Variants in MASP1 observed in about 807,000 individuals in gnomAD.
MASP1 encodes MBL associated serine protease 1, also known as mannan-binding lectin serine protease 1.
MASP1 carries 59 observed loss-of-function variants against 77.1 expected under a neutral mutation model. That is an observed-to-expected ratio of 0.77 (90% CI 0.62 to 0.95). The LOEUF (loss-of-function observed/expected upper bound fraction) is 0.95. MASP1 is among the 40% of genes least tolerant of loss of function. MASP1 has a pLI of 0.00. For synonymous variants in MASP1, 362 were observed against 354.5 expected (o/e 1.02, Z -0.24); for missense variants, 885 against 912.9 (o/e 0.97, Z 0.39).
At chr3:187,269,268 A>C (rs977275080) in intron 2 of MASP1, among the ~76,000 whole-genome samples, 2 of 152,120 alleles carry the variant, frequency 1.3e-5, no homozygotes, top group Non-Finnish European at 2.9e-5. Context: ...AAGTAGGAAG[A>C]CCTATTTTGA....
In MASP1 at chr3:187,251,673, T is replaced by A. The variant is rs750779461; in HGVS notation, c.972A>T (p.Gln324His). The A allele has an allele frequency of 1.2e-6, 2 of 1,614,226 alleles. No homozygotes were observed. The highest frequency in any genetic ancestry group is 3.3e-5 in the Admixed American group (2 of 60,030). The stretch of plus-strand genomic sequence containing the variant: ...AGCCTGTGTCACAGCTGACGAGCAC[T>A]TGGTCTTTGAAGAAATACTTGGCTT... ...PSQAKYFFKD[Q>H]VLVSCDTGYK... Residue 324 changes from glutamine (Q) to histidine (H), a missense_variant, in exon 7 of 11, where the codon CAA becomes CAT. By Grantham distance (24) the Gln-to-His change is conservative. Coordinates refer to ENST00000296280, the MANE Select transcript of MASP1 (RefSeq NM_139125.4).
intron 7 of MASP1, among the ~76,000 whole-genome samples, chr3:187,251,061 T>C (rs893162644): frequency 3.3e-5 from 5 of 152,070 alleles, no homozygotes; most frequent in African/African-American, 1.2e-4. Flanking sequence ...TGGATTCAAG[T>C]GATTCTCCTG....
At chr3:187,240,287 A>G (rs1713524927) in intron 10 of MASP1, among the ~76,000 whole-genome samples, 1 of 152,102 alleles carries the variant, frequency 6.6e-6, no homozygotes, top group South Asian at 2.1e-4. Flanking sequence ...CATTAATATA[A>G]TACACTATGT....
chr3:187,234,285 T>C lies in MASP1; in HGVS notation c.*1399A>G. 2.0e-5 allele frequency: 26 copies of C among 1,287,228 alleles called. No individual in the cohort carries two copies. The highest frequency in any genetic ancestry group is 2.6e-5 in the Non-Finnish European group (26 of 988,692). The allele number at this position is 1,287,228 out of a possible 1,614,324, so 79.7% of individuals were successfully genotyped here. On this transcript the variant is annotated 3_prime_UTR_variant, in exon 11 of 11. Coordinates refer to ENST00000296280, the MANE Select transcript of MASP1 (RefSeq NM_139125.4). The stretch of plus-strand genomic sequence containing the variant: ...TTCCCAATCATTCCCTCTCAGGGGC[T>C]TCTCTGGCTGCCTTGCTCTGATGGA...
intron 14 of MASP1, among the ~76,000 whole-genome samples, chr3:187,221,471 A>G (rs1579454566): frequency 6.6e-6 from 1 of 152,332 alleles, no homozygotes; most frequent in South Asian, 2.1e-4. Flanking sequence ...GTATACAAAA[A>G]TGAAGTTTGG....
intron 13 of MASP1, among the ~76,000 whole-genome samples, chr3:187,225,031 C>A (rs1177487980): frequency 6.6e-6 from 1 of 152,204 alleles, no homozygotes; most frequent in African/African-American, 2.4e-5. Context: ...CTCAGCTCTT[C>A]CCTCTTACTT....
intron 8 of MASP1, 114 bp from the exon 9 acceptor site, chr3:187,243,735 A>T: frequency 7.4e-7 from 1 of 1,349,114 alleles, no homozygotes. Context: ...AATTCCAGAA[A>T]GCAATGTTAT....
intron 8 of MASP1, chr3:187,246,975 G>C: frequency 8.5e-7 from 1 of 1,177,802 alleles, no homozygotes; most frequent in Non-Finnish European, 1.1e-6. Flanking sequence ...ACTTTGATCT[G>C]GTCAGCCTGA....
At chr3:187,245,371 T>C (rs961375653) in intron 8 of MASP1, among the ~76,000 whole-genome samples, 1 of 152,154 alleles carries the variant, frequency 6.6e-6, no homozygotes, top group African/African-American at 2.4e-5. Context: ...GGCTTTAGTG[T>C]GGCTAGATGG....
chr3:187,220,492 C>CTTTTTTTTTTTTTTTTTTTTTTT (rs747532550), intron 15 of MASP1, among the ~76,000 whole-genome samples: 3 of 134,564 alleles, frequency 2.2e-5, no homozygotes, highest in South Asian at 2.5e-4. Context: ...TTTCTTTTTT[C>CTTTTTTTTTTTTTTTTTTTTTTT]TTTCTTTTTT....
Position 187,234,690 on chromosome 3 carries a change from A to T in MASP1, c.*994T>A, listed in dbSNP as rs1198047538. The T allele has an allele frequency of 7.8e-7, 1 of 1,287,068 alleles. No individual in the cohort carries two copies. The highest frequency in any genetic ancestry group is 1.5e-5 in the African/African-American group (1 of 65,772). 79.7% of individuals were successfully genotyped at this position (1,287,068 alleles called of 1,614,324 possible). ...CAGGCAGCCTGGCAGGATTTGGGTG[A>T]CTTCTAATGTGCCCACCCCACTCTT... On this transcript the variant is annotated 3_prime_UTR_variant, in exon 11 of 11. Coordinates refer to ENST00000296280, the MANE Select transcript of MASP1 (RefSeq NM_139125.4).
At chr3:187,226,333 C>T (rs1712426054) in intron 12 of MASP1, 2 of 1,134,558 alleles carry the variant, frequency 1.8e-6, no homozygotes, top group East Asian at 5.1e-5. Flanking sequence ...GCAGACACGC[C>T]TTGGAAAGGG....
exon 16 of MASP1, chr3:187,218,627 C>T (rs1711874602): frequency 6.6e-6 from 1 of 152,264 alleles, no homozygotes; most frequent in Non-Finnish European, 1.5e-5. Context: ...CATTATCTTC[C>T]TCTTTTTTTT....
chr3:187,274,736 C>T (rs1046544974), intron 2 of MASP1, among the ~76,000 whole-genome samples: 2 of 152,124 alleles, frequency 1.3e-5, no homozygotes, highest in African/African-American at 4.8e-5. Flanking sequence ...GCCTGAGAAA[C>T]AGCTGGTGGG....
intron 15 of MASP1, chr3:187,220,932 C>T (rs1712022916): frequency 6.5e-6 from 6 of 916,626 alleles, no homozygotes; most frequent in South Asian, 4.0e-5. Flanking sequence ...CGCGCCCCCA[C>T]ACTGCCAGCC....
rs1712979717 is a variant in MASP1 at position 187,234,557 on chromosome 3, C to T, written c.*1127G>A. 7.8e-7 allele frequency: 1 copy of T among 1,287,228 alleles called. No homozygotes were observed. Among genetic ancestry groups the T allele is most frequent in the South Asian group, 1.2e-5 (1 of 80,938 alleles). The allele number at this position is 1,287,228 out of a possible 1,614,324, so 79.7% of individuals were successfully genotyped here. On this transcript the variant is annotated 3_prime_UTR_variant, in exon 11 of 11. Transcript: ENST00000296280. ...CAGGACTCCTGGCTCTTTTCACTGCCTGCCATGGGTGAGCCTCTGATTCCT... is the reference window on the plus strand; with the variant it reads ...CAGGACTCCTGGCTCTTTTCACTGCTTGCCATGGGTGAGCCTCTGATTCCT...
intron 11 of MASP1, among the ~76,000 whole-genome samples, chr3:187,228,623 C>G (rs898506553): frequency 6.6e-6 from 1 of 152,114 alleles, no homozygotes; most frequent in African/African-American, 2.4e-5. Flanking sequence ...TTCTCTGTCT[C>G]TCTCTGTCCT....
chr3:187,245,911 A>G (rs951271193), intron 8 of MASP1, among the ~76,000 whole-genome samples: 1 of 152,182 alleles, frequency 6.6e-6, no homozygotes, highest in African/African-American at 2.4e-5. Context: ...GCTTTGCTGT[A>G]CTGGGGGGCT....
At chr3:187,277,340 T>C (rs1396717511) in intron 2 of MASP1, among the ~76,000 whole-genome samples, 1 of 152,154 alleles carries the variant, frequency 6.6e-6, no homozygotes, top group Admixed American at 6.5e-5. Flanking sequence ...GGAATGAGCT[T>C]GAGCTCATCA....
Sources: gnomAD v4.1 joint callset for allele counts (sites outside exome capture counted in the v4.1 genomes callset) on GRCh38, gnomAD v4.1.1 for gene constraint, MANE v1.5 for transcripts, NCBI Gene and HGNC (gene_info 2026-07-23, HGNC 2026-07-21) for gene names.